The following LINGO1 variants were observed in gnomAD, a reference collection of about 807,000 sequenced individuals.
LINGO1 encodes the protein leucine-rich repeat and immunoglobulin-like domain-containing nogo receptor-interacting protein 1.
Under a neutral mutation model 37.3 loss-of-function variants are expected in LINGO1, and 11 were observed. The observed-to-expected ratio is 0.29, with a 90% CI of 0.19 to 0.49. The LOEUF (loss-of-function observed/expected upper bound fraction) is 0.49. Among genes scored for constraint, LINGO1 ranks in the 20% least tolerant of loss-of-function variants. LINGO1 has a pLI of 0.99. For synonymous variants in LINGO1, 387 were observed against 403.0 expected (o/e 0.96, Z 0.48); for missense variants, 585 against 878.2 (o/e 0.67, Z 4.22).
intron 3 of LINGO1, among the ~76,000 whole-genome samples, chr15:77,664,167 G>GCGCGCGCGCA (rs1441572796): frequency 6.9e-6 from 1 of 145,484 alleles, no homozygotes; most frequent in African/African-American, 2.8e-5. Flanking sequence ...GTGTGTGTGT[G>GCGCGCGCGCA]TGTGCGCGCG....
At chr15:77,664,610 T>C (rs1010908843) in intron 3 of LINGO1, among the ~76,000 whole-genome samples, 5 of 152,192 alleles carry the variant, frequency 3.3e-5, no homozygotes, top group Admixed American at 3.3e-4. Flanking sequence ...GGAGGTGGCT[T>C]GCACAAAAGA....
intron 3 of LINGO1, among the ~76,000 whole-genome samples, chr15:77,647,258 C>A (rs2074654246): frequency 6.6e-6 from 1 of 152,042 alleles, no homozygotes; most frequent in Non-Finnish European, 1.5e-5. Context: ...GGCTGTCCTG[C>A]CCCTGACAGG....
intron 1 of LINGO1, among the ~76,000 whole-genome samples, chr15:77,758,414 T>C (rs4243049): frequency 1 from 152,068 of 152,272 alleles, 75,937 homozygotes; most frequent in Non-Finnish European, 1. Context: ...CACTTGACCT[T>C]TCTTGGGTAT....
chr15:77,804,157 G>A (rs1203259100), intron 1 of LINGO1, among the ~76,000 whole-genome samples: 1 of 152,126 alleles, frequency 6.6e-6, no homozygotes, highest in African/African-American at 2.4e-5. Context: ...AACTGGCTAT[G>A]ATGATTCACA....
At chr15:77,807,539 C>T (rs894816772) in intron 1 of LINGO1, among the ~76,000 whole-genome samples, 5 of 152,072 alleles carry the variant, frequency 3.3e-5, no homozygotes, top group South Asian at 4.1e-4. Flanking sequence ...GAAACTGAGG[C>T]GCAAAGAGGC....
chr15:77,743,710 A>T (rs2076286822), intron 1 of LINGO1, among the ~76,000 whole-genome samples: 2 of 152,184 alleles, frequency 1.3e-5, no homozygotes, highest in South Asian at 4.2e-4. Flanking sequence ...GCAAGCGGGG[A>T]GAACCCAGGG....
intron 1 of LINGO1, among the ~76,000 whole-genome samples, chr15:77,771,120 C>T (rs549337569): frequency 4.2e-4 from 64 of 152,280 alleles, no homozygotes; most frequent in African/African-American, 1.4e-3. Context: ...AAGTCCTTCT[C>T]GAGGGAGAGT....
upstream of LINGO1, among the ~76,000 whole-genome samples, chr15:77,637,371 T>C (rs1156463316): frequency 6.6e-6 from 1 of 152,228 alleles, no homozygotes; most frequent in Admixed American, 6.5e-5. The surrounding 1 kb of genome is among the most constrained non-coding windows in gnomAD (Gnocchi z 4.6). Flanking sequence ...ATGCTTGTCT[T>C]GTCATCGATA....
chr15:77,720,567 A>G (rs1462852532), intron 2 of LINGO1: 4 of 152,288 alleles, frequency 2.6e-5, no homozygotes, highest in African/African-American at 9.6e-5. Flanking sequence ...TGCTGTAAAG[A>G]AAGCATTTTA....
chr15:77,626,764 G>A (rs893986091), intron 1 of LINGO1, among the ~76,000 whole-genome samples: 2 of 152,160 alleles, frequency 1.3e-5, no homozygotes, highest in African/African-American at 2.4e-5. Flanking sequence ...GACATTAGAC[G>A]GCTCAGGACA....
rs142449623 is a variant in LINGO1 at position 77,661,560 on chromosome 15, C to A, written c.-13+15529G>T. Among the ~76,000 whole-genome samples, 180 of 152,334 alleles carry A rather than the reference C, an allele frequency of 1.2e-3. 1 individual carries two copies. The highest frequency in any genetic ancestry group is 6.8e-3 in the Middle Eastern group (2 of 294). On this transcript the variant is annotated intron_variant, in intron 3 of 3. Transcript: ENST00000559893. ...TTGAAGCCCCCAATGAGACTCAGCG[C>A]CAGACACTATCTGTTTCCTGGGTTG...
rs189522253 is a variant in LINGO1, at chr15:77,625,343, T to C, written c.6+6967A>G. 1.7e-3 allele frequency among the ~76,000 whole-genome samples: 260 copies of C among 152,266 alleles called. 1 individual carries two copies. Among genetic ancestry groups the C allele is most frequent in the Middle Eastern group, 3.4e-3 (1 of 294 alleles). Reference sequence around the variant, plus strand: ...GGCGTTATTTCAAGCCCTTTGCATATAAAAATTCATTTAATCTCACACCAA... The same window carrying C: ...GGCGTTATTTCAAGCCCTTTGCATACAAAAATTCATTTAATCTCACACCAA... On this transcript the variant is annotated intron_variant, in intron 1 of 1. Coordinates refer to ENST00000355300, the MANE Select transcript of LINGO1 (RefSeq NM_032808.7).
chr15:77,792,228 C>T (rs1391130861), intron 2 of LINGO1, among the ~76,000 whole-genome samples: 1 of 152,234 alleles, frequency 6.6e-6, no homozygotes, highest in Non-Finnish European at 1.5e-5. Flanking sequence ...CAGGCTGGCC[C>T]TCTCCCAGTC....
intron 1 of LINGO1, among the ~76,000 whole-genome samples, chr15:77,806,651 C>G (rs1008297321): frequency 2.0e-5 from 3 of 152,150 alleles, no homozygotes; most frequent in African/African-American, 7.2e-5. Flanking sequence ...CCGACCATAG[C>G]AGCAGAGGCC....
chr15:77,708,934 A>G (rs1232300478), intron 2 of LINGO1, among the ~76,000 whole-genome samples: 1 of 152,158 alleles, frequency 6.6e-6, no homozygotes, highest in African/African-American at 2.4e-5. Context: ...AAAGAGGTCA[A>G]CTTGGACGTA....
Position 77,613,259 on chromosome 15 carries a change from C to T in LINGO1, c.*785G>A, listed in dbSNP as rs1330168678. The T allele has an allele frequency of 6.6e-6, 1 of 152,246 alleles. No homozygotes were observed. The highest frequency in any genetic ancestry group is 2.4e-5 in the African/African-American group (1 of 41,434). 9.4% of individuals were successfully genotyped at this position (152,246 alleles called of 1,614,324 possible). On this transcript the variant is annotated 3_prime_UTR_variant, in exon 2 of 2. Transcript: ENST00000355300. The stretch of plus-strand genomic sequence containing the variant: ...CCCACCTCCAGCCCCTGGCTCTCTC[C>T]ACTGACTGTGCTGTCCCCCAGGAGG...
chr15:77,711,622 C>T (rs79273569), intron 2 of LINGO1, among the ~76,000 whole-genome samples: 23,385 of 152,194 alleles, frequency 0.15, 2,148 homozygotes, highest in Admixed American at 0.3. Context: ...AGGGTTAGCC[C>T]GAGGATTCAC....
intron 1 of LINGO1, chr15:77,819,319 C>G (rs1246732514): frequency 6.6e-6 from 1 of 151,162 alleles, no homozygotes; most frequent in African/African-American, 2.4e-5. Context: ...GCCGGCATCC[C>G]CCGGCTCGGC....
At chr15:77,794,680 C>T (rs867807527) in intron 2 of LINGO1, among the ~76,000 whole-genome samples, 20 of 150,368 alleles carry the variant, frequency 1.3e-4, no homozygotes, top group Middle Eastern at 3.4e-3. Context: ...CTCCACCTCC[C>T]GGGTTCACGC....
Sources: gnomAD v4.1 joint callset for allele counts (sites outside exome capture counted in the v4.1 genomes callset) on GRCh38, gnomAD v4.1.1 for gene constraint, Gnocchi (gnomAD v3.1) non-coding constraint, MANE v1.5 for transcripts, NCBI Gene and HGNC (gene_info 2026-07-23, HGNC 2026-07-21) for gene names.